ENOX1: variants seen among roughly 807,000 people sequenced by gnomAD.
ENOX1 encodes the protein candidate growth-related and time keeping constitutive hydroquinone (NADH) oxidase.
A neutral mutation model predicts 82.5 loss-of-function variants in ENOX1; 42 were observed. The ratio of observed to expected loss-of-function variants is 0.51; its 90% CI spans 0.40 to 0.66. The LOEUF (loss-of-function observed/expected upper bound fraction) is 0.66. Ranked by LOEUF, ENOX1 falls within the 30% of genes least tolerant of loss-of-function variation. The probability of loss-of-function intolerance (pLI) is 0.00; values close to 1 mark genes in which losing one functional copy is unlikely to be tolerated. For missense variants in ENOX1, 608 were observed against 811.6 expected (o/e 0.75, Z 3.05); for synonymous variants, 271 against 282.2 (o/e 0.96, Z 0.40).
intron 14 of ENOX1, among the ~76,000 whole-genome samples, chr13:43,260,660 T>C (rs1001283520): frequency 1.3e-5 from 2 of 152,116 alleles, no homozygotes; most frequent in Non-Finnish European, 2.9e-5. Context: ...AGATGCAAGA[T>C]AAGAACATGA....
intron 1 of ENOX1, among the ~76,000 whole-genome samples, chr13:43,743,905 A>G (rs991180415): frequency 3.9e-5 from 6 of 152,142 alleles, no homozygotes; most frequent in African/African-American, 1.4e-4. Context: ...CATGGTAGAG[A>G]GAGAGCCAGA....
chr13:43,619,144 T>C (rs555298142), intron 2 of ENOX1, among the ~76,000 whole-genome samples: 1 of 152,020 alleles, frequency 6.6e-6, no homozygotes, highest in Non-Finnish European at 1.5e-5. Flanking sequence ...TCTGGAGGAG[T>C]CCTTAGGGTT....
intron 5 of ENOX1, among the ~76,000 whole-genome samples, chr13:43,373,786 T>A (rs1195568020): frequency 6.6e-6 from 1 of 152,256 alleles, no homozygotes; most frequent in Non-Finnish European, 1.5e-5. Context: ...TCTGACAACA[T>A]CCTGAGTAAT....
At chr13:43,612,255 C>T (rs767421198) in intron 2 of ENOX1, among the ~76,000 whole-genome samples, 5 of 152,148 alleles carry the variant, frequency 3.3e-5, no homozygotes, top group Non-Finnish European at 5.9e-5. Context: ...GAAGAGCCAA[C>T]AGAGTAGATC....
At chr13:43,487,593 G>A (rs564133994) in intron 2 of ENOX1, among the ~76,000 whole-genome samples, 13 of 152,230 alleles carry the variant, frequency 8.5e-5, no homozygotes, top group African/African-American at 3.1e-4. Flanking sequence ...AATCCAAAAT[G>A]ACACCATGGC....
intron 2 of ENOX1, among the ~76,000 whole-genome samples, chr13:43,616,136 ATC>A (rs1244449738): frequency 7.8e-4 from 35 of 45,128 alleles, no homozygotes; most frequent in South Asian, 1.3e-3. Context: ...ATATCTATCT[ATC>A]TAGATATCTA....
At position 43,539,419 on chromosome 13, in the gene ENOX1, C is replaced by T. The variant is rs549675513; in HGVS notation, c.-218-55267G>A. 4.6e-5 allele frequency among the ~76,000 whole-genome samples: 7 copies of T among 152,212 alleles called. No homozygotes were observed. In the East Asian group the frequency reaches 1.3e-3, roughly 29 times the overall value. On this transcript the variant is annotated intron_variant, in intron 2 of 16. Coordinates refer to ENST00000690772, the MANE Select transcript of ENOX1 (RefSeq NM_001347969.2). ...TTTTCTAATTTCCACTGTGATTTCT[C>T]CTTTAACCCAGTATTTATACAGAAC...
intron 14 of ENOX1, among the ~76,000 whole-genome samples, chr13:43,247,015 C>T (rs1446707999): frequency 2.0e-5 from 3 of 152,136 alleles, no homozygotes; most frequent in Admixed American, 1.3e-4. Flanking sequence ...TCAGAGATCA[C>T]GAAGAATTAG....
intron 2 of ENOX1, among the ~76,000 whole-genome samples, chr13:43,592,720 C>T (rs939040462): frequency 6.6e-6 from 1 of 152,154 alleles, no homozygotes; most frequent in African/African-American, 2.4e-5. Flanking sequence ...TATGATTCAA[C>T]TAAGCCAATT....
At chr13:43,588,143 G>A (rs2081077790) in intron 2 of ENOX1, among the ~76,000 whole-genome samples, 1 of 152,112 alleles carries the variant, frequency 6.6e-6, no homozygotes, top group African/African-American at 2.4e-5. Flanking sequence ...GTATATTTCT[G>A]TTAATTAACA....
intron 12 of ENOX1, among the ~76,000 whole-genome samples, chr13:43,276,252 C>T (rs990665750): frequency 2.0e-5 from 3 of 152,080 alleles, no homozygotes; most frequent in African/African-American, 7.2e-5. Flanking sequence ...GGTCTCATCC[C>T]AGCAGTCCTT....
chr13:43,278,993 C>T (rs2045224055), intron 12 of ENOX1, among the ~76,000 whole-genome samples: 1 of 152,128 alleles, frequency 6.6e-6, no homozygotes, highest in African/African-American at 2.4e-5. Context: ...AAAGGATCCT[C>T]TGAGTGTTAA....
Position 43,309,921 on chromosome 13 carries a change from C to T in ENOX1, c.1262-11391G>A, listed in dbSNP as rs563223465. On this transcript the variant is annotated intron_variant, in intron 11 of 16. Coordinates refer to ENST00000690772, the MANE Select transcript of ENOX1 (RefSeq NM_001347969.2). Reference sequence around the variant, plus strand: ...CCAGAGCCTCCTTAAAAATCCTCTGCAACTGGGCGTGGTGGCTCACGCCTG... The same window carrying T: ...CCAGAGCCTCCTTAAAAATCCTCTGTAACTGGGCGTGGTGGCTCACGCCTG... Among the ~76,000 whole-genome samples the T allele has an allele frequency of 5.3e-5, 8 of 152,134 alleles. No individual in the cohort carries two copies. In the East Asian group the frequency reaches 9.7e-4, roughly 18 times the overall value.
intron 2 of ENOX1, among the ~76,000 whole-genome samples, chr13:43,636,417 A>G (rs546952427): frequency 2.6e-4 from 39 of 152,184 alleles, no homozygotes; most frequent in Non-Finnish European, 4.0e-4. Flanking sequence ...GTTCCAGTGT[A>G]ACTTGCTGTT....
intron 9 of ENOX1, among the ~76,000 whole-genome samples, chr13:43,333,715 C>T (rs2048541005): frequency 2.6e-5 from 4 of 152,328 alleles, no homozygotes; most frequent in South Asian, 2.1e-4. Context: ...CTCAGCCTCT[C>T]GGGTTCAAGT....
chr13:43,416,859 C>T (rs76368071), intron 3 of ENOX1, among the ~76,000 whole-genome samples: 1 of 152,130 alleles, frequency 6.6e-6, no homozygotes, highest in Admixed American at 6.5e-5. Flanking sequence ...CCAAGGCAGG[C>T]CGCTGGGAGG....
intron 2 of ENOX1, among the ~76,000 whole-genome samples, chr13:43,552,218 G>A (rs2079228462): frequency 6.6e-6 from 1 of 152,030 alleles, no homozygotes; most frequent in African/African-American, 2.4e-5. Context: ...GTCATGAAAG[G>A]AGCATGCCAG....
chr13:43,530,263 G>A (rs1222312516), intron 2 of ENOX1, among the ~76,000 whole-genome samples: 1 of 152,096 alleles, frequency 6.6e-6, no homozygotes, highest in Admixed American at 6.6e-5. Flanking sequence ...GTATTTACAG[G>A]ATTTATTTCC....
At chr13:43,687,317 G>C (rs2086125736) in intron 1 of ENOX1, among the ~76,000 whole-genome samples, 1 of 152,150 alleles carries the variant, frequency 6.6e-6, no homozygotes, top group Non-Finnish European at 1.5e-5. Flanking sequence ...TCTATTCTTT[G>C]TGACTGAAAA....
Sources: gnomAD v4.1 joint callset for allele counts (sites outside exome capture counted in the v4.1 genomes callset) on GRCh38, gnomAD v4.1.1 for gene constraint, MANE v1.5 for transcripts, NCBI Gene and HGNC (gene_info 2026-07-23, HGNC 2026-07-21) for gene names.